Variants in ZNF652 observed in about 807,000 individuals in gnomAD.
ZNF652 encodes zinc finger protein 652.
A neutral mutation model predicts 45.2 loss-of-function variants in ZNF652; 16 were observed. The observed-to-expected ratio is 0.35, with a 90% CI of 0.24 to 0.54. ZNF652 has a LOEUF of 0.54. Among genes scored for constraint, ZNF652 ranks in the 20% least tolerant of loss-of-function variants. The probability of loss-of-function intolerance (pLI) is 0.91; values close to 1 mark genes in which losing one functional copy is unlikely to be tolerated. For synonymous variants in ZNF652, 250 were observed against 260.6 expected (o/e 0.96, Z 0.39); for missense variants, 614 against 765.6 (o/e 0.80, Z 2.34).
At chr17:49,312,225 G>A (rs536707691) in intron 3 of ZNF652, among the ~76,000 whole-genome samples, 183 bp from the exon 4 acceptor site, 1 of 147,942 alleles carries the variant, frequency 6.8e-6, no homozygotes, top group African/African-American at 2.5e-5. Flanking sequence ...GAGTGCAGTG[G>A]CGCAATCTTG....
intron 1 of ZNF652, among the ~76,000 whole-genome samples, chr17:49,354,323 A>G (rs1333031662): frequency 6.6e-6 from 1 of 152,138 alleles, no homozygotes; most frequent in African/African-American, 2.4e-5. Flanking sequence ...GTAAAAATGT[A>G]TCTACTTTTA....
chr17:49,296,683 G>T lies in ZNF652; in HGVS notation c.*1730C>A, dbSNP rs2069481769. On this transcript the variant is annotated 3_prime_UTR_variant, in exon 6 of 6. Transcript: ENST00000430262. ...TTGGAGGCTGTAGTGTGCTATAACT[G>T]CACCTGTGAATAGCCACTGCACTCT... 1 of 151,944 alleles carries T rather than the reference G, an allele frequency of 6.6e-6. No homozygotes were observed. The highest frequency in any genetic ancestry group is 1.5e-5 in the Non-Finnish European group (1 of 68,030). The allele number at this position is 151,944 out of a possible 1,614,324, so 9.4% of individuals were successfully genotyped here. A position where few individuals can be genotyped will look rare whatever the true frequency, so the allele number is the denominator to read the frequency against.
intron 5 of ZNF652, among the ~76,000 whole-genome samples, chr17:49,300,063 T>C (rs547983323): frequency 4.6e-5 from 7 of 152,320 alleles, no homozygotes; most frequent in Non-Finnish European, 8.8e-5. Flanking sequence ...TCTCTTCCTG[T>C]CTATTCATAC....
chr17:49,308,816 A>T (rs1391781389), intron 5 of ZNF652, among the ~76,000 whole-genome samples: 1 of 151,748 alleles, frequency 6.6e-6, no homozygotes, highest in Non-Finnish European at 1.5e-5. Flanking sequence ...AAAAAAAAAA[A>T]GTTTTGTGGG....
chr17:49,312,902 C>G, intron 2 of ZNF652, 57 bp from the exon 3 acceptor site: 1 of 1,552,464 alleles, frequency 6.4e-7, no homozygotes, highest in Non-Finnish European at 8.7e-7. Flanking sequence ...CCATACCAGC[C>G]TACTGGCAGA....
intron 1 of ZNF652, among the ~76,000 whole-genome samples, chr17:49,332,070 C>G (rs949856323): frequency 6.6e-6 from 1 of 152,108 alleles, no homozygotes; most frequent in Non-Finnish European, 1.5e-5. Flanking sequence ...GTCAGGAGTT[C>G]AAGACCAGCT....
At position 49,294,288 on chromosome 17, in the gene ZNF652, C is replaced by G. The variant is rs2069442814; in HGVS notation, c.*4125G>C. ...AACCACTAGAAAAGGATACTTCGAA[C>G]AAATGTGGTTTTAAAAAAATGATGT... On this transcript the variant is annotated 3_prime_UTR_variant, in exon 6 of 6. Transcript: ENST00000430262. Among the ~76,000 whole-genome samples the G allele has an allele frequency of 6.6e-6, 1 of 152,096 alleles. No individual in the cohort carries two copies. Among genetic ancestry groups the G allele is most frequent in the African/African-American group, 2.4e-5 (1 of 41,416 alleles).
chr17:49,298,360 C>A lies in ZNF652; in HGVS notation c.*53G>T. The A allele has an allele frequency of 1.2e-6, 2 of 1,603,586 alleles. No individual in the cohort carries two copies. The highest frequency in any genetic ancestry group is 1.1e-5 in the South Asian group (1 of 89,600). On this transcript the variant is annotated 3_prime_UTR_variant, in exon 6 of 6. Transcript: ENST00000430262. ...GAAATGCTCACCGACTCCCTCTGTG[C>A]ACGCTCACACATGGGGACGTGTCTC...
At chr17:49,345,402 C>CA (rs2070194462) in intron 1 of ZNF652, among the ~76,000 whole-genome samples, 1 of 151,304 alleles carries the variant, frequency 6.6e-6, no homozygotes, top group Non-Finnish European at 1.5e-5. Context: ...GGGGTTTCAC[C>CA]ATGTTGGCCA....
At chr17:49,342,857 A>G (rs2070164142) in intron 1 of ZNF652, among the ~76,000 whole-genome samples, 1 of 152,072 alleles carries the variant, frequency 6.6e-6, no homozygotes, top group South Asian at 2.1e-4. Context: ...GAAGATGTTC[A>G]AATATACAAA....
In ZNF652 at chr17:49,311,842, C is replaced by T. The variant is rs2143768653; in HGVS notation, c.1164+85G>A. On this transcript the variant is annotated intron_variant, in intron 4 of 5. Transcript: ENST00000430262. ...GTGGAAGGCAGCCTTGTGCCTCCTG[C>T]TCCAGCACACCTCTCTCTCACTGGT... is the stretch of plus-strand genomic sequence containing the variant. 6 of 1,173,530 alleles carry T rather than the reference C, an allele frequency of 5.1e-6. No homozygotes were observed. In the South Asian group the frequency reaches 7.2e-5, roughly 14 times the overall value. 72.7% of individuals were successfully genotyped at this position (1,173,530 alleles called of 1,614,324 possible). A position where few individuals can be genotyped will look rare whatever the true frequency, so the allele number is the denominator to read the frequency against.
At position 49,289,908 on chromosome 17, in the gene ZNF652, A is replaced by G. The variant is rs2143651394; in HGVS notation, c.*8505T>C. 1 of 152,390 alleles carries G rather than the reference A, an allele frequency of 6.6e-6. No individual in the cohort carries two copies. The highest frequency in any genetic ancestry group is 1.5e-5 in the Non-Finnish European group (1 of 68,038). The allele number at this position is 152,390 out of a possible 1,614,324, so 9.4% of individuals were successfully genotyped here. A position where few individuals can be genotyped will look rare whatever the true frequency, so the allele number is the denominator to read the frequency against. ...TTTTGTCAAACTCCTTTGGACAAAT[A>G]TTCAACATTCAACAACAAGCTTTGT... On this transcript the variant is annotated 3_prime_UTR_variant, in exon 6 of 6. Coordinates refer to ENST00000430262, the MANE Select transcript of ZNF652 (RefSeq NM_001145365.3).
chr17:49,317,057 C>T lies in ZNF652; in HGVS notation c.669G>A (p.Lys223=). ...CTTTGGGCTCCTTTGTGGCCCGCTTCTTACGCTTAGGTGGCTCTACACTCT... is the reference window on the plus strand; with the variant it reads ...CTTTGGGCTCCTTTGTGGCCCGCTTTTTACGCTTAGGTGGCTCTACACTCT... ...RRKSVEPPKR[K]KRATKEPKAP... Residue 223 remains lysine (K), a synonymous_variant, in exon 2 of 6, where the codon AAG becomes AAA. Coordinates refer to ENST00000430262, the MANE Select transcript of ZNF652 (RefSeq NM_001145365.3). 2 of 1,614,116 alleles carry T rather than the reference C, an allele frequency of 1.2e-6. No individual in the cohort carries two copies. The highest frequency in any genetic ancestry group is 2.2e-5 in the East Asian group (1 of 44,874).
At chr17:49,311,586 G>T in intron 4 of ZNF652, 130 bp from the exon 5 acceptor site, 2 of 1,053,394 alleles carry the variant, frequency 1.9e-6, no homozygotes, top group South Asian at 2.2e-5. Flanking sequence ...TCAGCTATTT[G>T]GCTTTGCTAT....
chr17:49,356,149 C>T (rs2070333729), intron 1 of ZNF652, among the ~76,000 whole-genome samples: 2 of 151,730 alleles, frequency 1.3e-5, no homozygotes, highest in Admixed American at 6.6e-5. Context: ...ATTACAGGGC[C>T]GGGCGCAGTG....
intron 1 of ZNF652, among the ~76,000 whole-genome samples, chr17:49,335,761 CCA>C (rs1173276041): frequency 4.6e-5 from 7 of 152,122 alleles, no homozygotes; most frequent in Non-Finnish European, 7.3e-5. Context: ...AGAAAACAGT[CCA>C]CAGTCTTTAA....
At chr17:49,361,734 C>A (rs1246029193) in intron 1 of ZNF652, among the ~76,000 whole-genome samples, 175 bp downstream of exon 1, 3 of 152,020 alleles carry the variant, frequency 2.0e-5, no homozygotes, top group Non-Finnish European at 4.4e-5. Flanking sequence ...AGCTCAGCGC[C>A]CGGGGCCTCC....
In ZNF652 at chr17:49,316,783, G is replaced by T. The variant is rs370177045; in HGVS notation, c.900+43C>A. 1.8e-5 allele frequency: 28 copies of T among 1,559,190 alleles called. No homozygotes were observed. The East Asian group carries it at 5.8e-4, about 32-fold the overall frequency. On this transcript the variant is annotated intron_variant, in intron 2 of 5. Coordinates refer to ENST00000430262, the MANE Select transcript of ZNF652 (RefSeq NM_001145365.3). ...GATACCAGATGAATCTGAACAGCCA[G>T]GTTCTATCCTGAAAAGTTTTCCCTC...
chr17:49,298,937 C>T lies in ZNF652; in HGVS notation c.1310-13G>A, dbSNP rs201970657. 1.3e-6 allele frequency: 2 copies of T among 1,594,156 alleles called. No homozygotes were observed. The highest frequency in any genetic ancestry group is 1.7e-6 in the Non-Finnish European group (2 of 1,170,762). On this transcript the variant is annotated splice_polypyrimidine_tract_variant and intron_variant, in intron 5 of 5. Coordinates refer to ENST00000430262, the MANE Select transcript of ZNF652 (RefSeq NM_001145365.3). ...AAGGGTTTCTCTCCTGAGATGAACA[C>T]AGACATAAAAATGATTAACATATTA...
Sources: gnomAD v4.1 joint callset for allele counts (sites outside exome capture counted in the v4.1 genomes callset) on GRCh38, gnomAD v4.1.1 for gene constraint, MANE v1.5 for transcripts, NCBI Gene and HGNC (gene_info 2026-07-23, HGNC 2026-07-21) for gene names.